The following CRTAP variants were observed in gnomAD, a reference collection of about 807,000 sequenced individuals.
The protein encoded by CRTAP is cartilage associated protein, also known as cartilage-associated protein.
CRTAP carries 33 observed loss-of-function variants against 42.7 expected under a neutral mutation model. The observed-to-expected ratio is 0.77, with a 90% CI of 0.59 to 1.03. The LOEUF is 1.03. Among genes scored for constraint, CRTAP ranks in the 50% least tolerant of loss-of-function variants. The probability of loss-of-function intolerance (pLI) is 0.00; values close to 1 mark genes in which losing one functional copy is unlikely to be tolerated. For missense variants in CRTAP, 613 were observed against 533.9 expected, an observed-to-expected ratio of 1.15 and a Z score of -1.46; for synonymous variants, 243 against 217.7, an observed-to-expected ratio of 1.12 and a Z score of -1.02.
At chr3:33,133,351 T>C (rs937052052) in intron 5 of CRTAP, among the ~76,000 whole-genome samples, 11 of 151,274 alleles carry the variant, frequency 7.3e-5, no homozygotes, top group African/African-American at 2.7e-4. Flanking sequence ...CTCTGCCTCC[T>C]GGGTTCAAGC....
chr3:33,122,072 C>T (rs1303695794), intron 2 of CRTAP, among the ~76,000 whole-genome samples: 4 of 152,198 alleles, frequency 2.6e-5, no homozygotes, highest in Admixed American at 6.5e-5. Context: ...CCTTCCCATT[C>T]TCCCATAAAA....
chr3:33,118,269 T>G (rs888538356), intron 1 of CRTAP, among the ~76,000 whole-genome samples: 1 of 152,214 alleles, frequency 6.6e-6, no homozygotes, highest in African/African-American at 2.4e-5. Context: ...TCTGTGCCCC[T>G]CTTTCTAAGT....
At chr3:33,126,362 C>G (rs1338769426) in intron 3 of CRTAP, among the ~76,000 whole-genome samples, 1 of 152,130 alleles carries the variant, frequency 6.6e-6, no homozygotes, top group African/African-American at 2.4e-5. Context: ...ATTGAAGAAT[C>G]TGCATTTTTT....
At chr3:33,137,034 A>G (rs933342822) in intron 6 of CRTAP, among the ~76,000 whole-genome samples, 1 of 151,956 alleles carries the variant, frequency 6.6e-6, no homozygotes, top group African/African-American at 2.4e-5. Flanking sequence ...TGAGAGTTCC[A>G]ACTTTGCAAT....
At chr3:33,142,279 C>A (rs952549429) in intron 6 of CRTAP, 116 bp from the exon 7 acceptor site, 1 of 996,910 alleles carries the variant, frequency 1.0e-6, no homozygotes, top group Non-Finnish European at 1.6e-6. Context: ...GCAGAAAAAA[C>A]CTGTTTCAGC....
At chr3:33,121,564 G>A (rs759827468) in intron 2 of CRTAP, among the ~76,000 whole-genome samples, 16 of 151,964 alleles carry the variant, frequency 1.1e-4, no homozygotes, top group Non-Finnish European at 2.2e-4. Context: ...TCTCTTTTTG[G>A]GGGTATCTGT....
intron 5 of CRTAP, 145 bp from the exon 6 acceptor site, chr3:33,134,037 A>G (rs1053758883): frequency 1.5e-5 from 10 of 688,734 alleles, no homozygotes; most frequent in African/African-American, 1.4e-4. Flanking sequence ...TTGTTAGTAT[A>G]TTCAGAGTTG....
At chr3:33,114,896 G>A (rs1701326333) in intron 1 of CRTAP, among the ~76,000 whole-genome samples, 1 of 152,114 alleles carries the variant, frequency 6.6e-6, no homozygotes, top group Non-Finnish European at 1.5e-5. Flanking sequence ...TCAAGTGAGC[G>A]GTGACTTGCG....
At chr3:33,127,981 C>A (rs1215114229) in intron 3 of CRTAP, among the ~76,000 whole-genome samples, 2 of 152,018 alleles carry the variant, frequency 1.3e-5, no homozygotes, top group African/African-American at 2.4e-5. Flanking sequence ...CTCCTGACCC[C>A]AAGTGATCCG....
Position 33,124,562 on chromosome 3 carries a change from T to A in CRTAP, c.776T>A (p.Phe259Tyr). ...AGGGAGATCAAGGACTTCAAGGATT[T>A]CTACCTTTCCATAGCAGGTTGGTGG... The part of the protein sequence containing the change: ...GSREIKDFKD[F>Y]YLSIADHYVE... Residue 259 changes from phenylalanine to tyrosine, a missense_variant, in exon 3 of 7, where the codon TTC becomes TAC. Transcript: ENST00000320954. 1 of 1,614,232 alleles carries A rather than the reference T, an allele frequency of 6.2e-7. No homozygotes were observed. The highest frequency in any genetic ancestry group is 8.5e-7 in the Non-Finnish European group (1 of 1,180,032).
At chr3:33,120,253 A>C (rs4074415) in intron 1 of CRTAP, 91 bp from the exon 2 acceptor site, 1 of 1,181,698 alleles carries the variant, frequency 8.5e-7, no homozygotes, top group African/African-American at 1.5e-5. Flanking sequence ...TAGCAACACA[A>C]AGTTTCTGAA....
rs1335090806 is a variant in CRTAP at position 33,145,352 on chromosome 3, T to G, written c.*2904T>G. The G allele has an allele frequency of 6.6e-6, 1 of 152,380 alleles. No homozygotes were observed. The highest frequency in any genetic ancestry group is 2.4e-5 in the African/African-American group (1 of 41,446). The allele number at this position is 152,380 out of a possible 1,614,324, so 9.4% of individuals were successfully genotyped here. ...GGGTGTTTGGCCCGAGGAGTCAGTG[T>G]TATTACTGGTGGATGCACCGTGTCC... On this transcript the variant is annotated 3_prime_UTR_variant, in exon 7 of 7. Transcript: ENST00000320954. The surrounding 1 kb of genome is among the most constrained non-coding windows in gnomAD (Gnocchi z 4.3).
In CRTAP at chr3:33,142,578, GTC is replaced by G; in HGVS notation, c.*136_*137del. The G allele has an allele frequency of 1.2e-6, 1 of 856,848 alleles. No homozygotes were observed. The highest frequency in any genetic ancestry group is 1.9e-6 in the Non-Finnish European group (1 of 528,552). 53.1% of individuals were successfully genotyped at this position (856,848 alleles called of 1,614,324 possible). On this transcript the variant is annotated 3_prime_UTR_variant, in exon 7 of 7. Coordinates refer to ENST00000320954, the MANE Select transcript of CRTAP (RefSeq NM_006371.5). ...TCTCCAAAGTGAAAGGGAAGCCCCC[GTC>G]TCTCTAACTGCATGTCATCAGGGGT...
At chr3:33,124,942 A>C (rs1298408151) in intron 3 of CRTAP, among the ~76,000 whole-genome samples, 1 of 152,200 alleles carries the variant, frequency 6.6e-6, no homozygotes, top group Admixed American at 6.5e-5. Flanking sequence ...AACACATATA[A>C]AGGTAGAATG....
intron 2 of CRTAP, among the ~76,000 whole-genome samples, chr3:33,121,720 C>T (rs2029881690): frequency 6.6e-6 from 1 of 152,170 alleles, no homozygotes; most frequent in Admixed American, 6.6e-5. Context: ...TGATTTTAGC[C>T]TCATGCCTCC....
At chr3:33,128,879 G>A (rs1274944900) in intron 3 of CRTAP, among the ~76,000 whole-genome samples, 1 of 152,158 alleles carries the variant, frequency 6.6e-6, no homozygotes, top group Non-Finnish European at 1.5e-5. Context: ...TAGGGATTAG[G>A]CCTGGAAGTA....
In CRTAP at chr3:33,144,736, C is replaced by G. The variant is rs1466123430; in HGVS notation, c.*2288C>G. The G allele has an allele frequency of 6.6e-6, 1 of 152,166 alleles. No individual in the cohort carries two copies. The highest frequency in any genetic ancestry group is 2.4e-5 in the African/African-American group (1 of 41,428). The allele number at this position is 152,166 out of a possible 1,614,324, so 9.4% of individuals were successfully genotyped here. On this transcript the variant is annotated 3_prime_UTR_variant, in exon 7 of 7. Coordinates refer to ENST00000320954, the MANE Select transcript of CRTAP (RefSeq NM_006371.5). ...GCTGGAGGGGCCACTGAGATTGTCT[C>G]TGAGTATTACTGAGAAGCAACAGAA... is the stretch of plus-strand genomic sequence containing the variant.
At position 33,114,160 on chromosome 3, in the gene CRTAP, A is replaced by G. The variant is rs1204244110; in HGVS notation, c.83A>G (p.Tyr28Cys). 2 of 1,586,006 alleles carry G rather than the reference A, an allele frequency of 1.3e-6. No individual in the cohort carries two copies. The highest frequency in any genetic ancestry group is 1.7e-6 in the Non-Finnish European group (2 of 1,174,146). Residue 28 changes from tyrosine (Y) to cysteine (C), a missense_variant, in exon 1 of 7, where the codon TAC becomes TGC. Physicochemically the swap from Tyr to Cys is radical, Grantham distance 194. Coordinates refer to ENST00000320954, the MANE Select transcript of CRTAP (RefSeq NM_006371.5). Reference protein sequence around the residue: ...ACALRAGRAQYERYSFRSFPR... With the variant: ...ACALRAGRAQCERYSFRSFPR... ...GCGCTGCGCGCCGGGCGCGCCCAAT[A>G]CGAACGCTACAGCTTCCGCAGCTTC...
rs553702665 is a variant in CRTAP, at chr3:33,124,393, C to A, written c.622-15C>A. On this transcript the variant is annotated splice_polypyrimidine_tract_variant and intron_variant, in intron 2 of 6. Coordinates refer to ENST00000320954, the MANE Select transcript of CRTAP (RefSeq NM_006371.5). Reference sequence around the variant, plus strand: ...GCCCAAGAGCGAGCTTCACTGGCTTCTCCATGCCTTTCAGAGCCTGTTCAT... The same window carrying A: ...GCCCAAGAGCGAGCTTCACTGGCTTATCCATGCCTTTCAGAGCCTGTTCAT... 6.8e-6 allele frequency: 11 copies of A among 1,613,638 alleles called. No individual in the cohort carries two copies. Among genetic ancestry groups the A allele is most frequent in the Middle Eastern group, 3.5e-4 (2 of 5,766 alleles).
Sources: allele counts gnomAD v4.1 joint callset (sites outside exome capture counted in the v4.1 genomes callset), GRCh38; gene constraint gnomAD v4.1.1; non-coding constraint Gnocchi (gnomAD v3.1); transcripts MANE v1.5; gene names NCBI Gene and HGNC (gene_info 2026-07-23, HGNC 2026-07-21).